CDH7: variants seen among roughly 807,000 people sequenced by gnomAD.
CDH7 encodes cadherin 7.
CDH7 carries 25 observed loss-of-function variants against 71.8 expected under a neutral mutation model. That is an observed-to-expected ratio of 0.35 (90% confidence interval 0.25 to 0.49). The LOEUF (loss-of-function observed/expected upper bound fraction) is 0.49, where lower values mean the gene tolerates loss of function less well. Ranked by LOEUF, CDH7 falls within the 20% of genes least tolerant of loss-of-function variation. The probability of loss-of-function intolerance (pLI) is 0.99; values close to 1 mark genes in which losing one functional copy is unlikely to be tolerated. For missense variants in CDH7, 862 were observed against 974.6 expected (o/e 0.88, Z 1.54); for synonymous variants, 381 against 363.8 (o/e 1.05, Z -0.54).
chr18:65,859,687 T>G (rs1913490079), intron 9 of CDH7, 21 bp from the exon 10 acceptor site: 1 of 1,459,304 alleles, frequency 6.9e-7, no homozygotes, highest in Non-Finnish European at 9.6e-7. Flanking sequence ...TGCTTTCATC[T>G]TTTACTTTCT....
chr18:65,835,942 G>T (rs979580267), intron 6 of CDH7, among the ~76,000 whole-genome samples: 3 of 152,136 alleles, frequency 2.0e-5, no homozygotes, highest in Non-Finnish European at 4.4e-5. Flanking sequence ...ATAATTGGGT[G>T]CAGTATAATC....
intron 11 of CDH7, among the ~76,000 whole-genome samples, chr18:65,864,478 A>G (rs982372929): frequency 1.5e-4 from 22 of 151,022 alleles, no homozygotes; most frequent in African/African-American, 5.4e-4. Flanking sequence ...TTCTTCTTCC[A>G]ATGTGGTGCA....
At chr18:65,872,543 T>A (rs1368317508) in intron 11 of CDH7, among the ~76,000 whole-genome samples, 1 of 152,104 alleles carries the variant, frequency 6.6e-6, no homozygotes, top group Non-Finnish European at 1.5e-5. Flanking sequence ...GCATGTTTCT[T>A]CATCATGGTT....
At chr18:65,764,220 C>T (rs1288188793) in intron 2 of CDH7, among the ~76,000 whole-genome samples, 1 of 151,854 alleles carries the variant, frequency 6.6e-6, no homozygotes. Flanking sequence ...TGAGCATCTA[C>T]ATCAATCAAG....
At chr18:65,819,761 C>G (rs1412196907) in intron 4 of CDH7, among the ~76,000 whole-genome samples, 3 of 151,592 alleles carry the variant, frequency 2.0e-5, no homozygotes, top group Non-Finnish European at 4.4e-5. Flanking sequence ...GTAGTGCAGT[C>G]AAAGTGATAT....
In CDH7 at chr18:65,888,918, C is replaced by T. The variant is rs1914441375; in HGVS notation, c.*8024C>T. 6.6e-6 allele frequency: 1 copy of T among 152,164 alleles called. No individual in the cohort carries two copies. Among genetic ancestry groups the T allele is most frequent in the African/African-American group, 2.4e-5 (1 of 41,458 alleles). 9.4% of individuals were successfully genotyped at this position (152,164 alleles called of 1,614,324 possible). A position where few individuals can be genotyped will look rare whatever the true frequency, so the allele number is the denominator to read the frequency against. ...GATAGCTGAAACTCTAATAATTGGA[C>T]TTTCCAATCTTAATTATGCTTTAGT... On this transcript the variant is annotated 3_prime_UTR_variant, in exon 12 of 12. Transcript: ENST00000397968.
At chr18:65,761,535 C>CA (rs36079642) in intron 1 of CDH7, among the ~76,000 whole-genome samples, 49,408 of 123,908 alleles carry the variant, frequency 0.4, 8,936 homozygotes, top group Middle Eastern at 0.5. Flanking sequence ...TCCTCTTCCT[C>CA]AAAAAAAAAA....
At chr18:65,864,029 TA>T (rs1450124374) in intron 11 of CDH7, 1 of 152,222 alleles carries the variant, frequency 6.6e-6, no homozygotes, top group Non-Finnish European at 1.5e-5. Context: ...TAATACATTA[TA>T]AATGCTGTCG....
intron 4 of CDH7, among the ~76,000 whole-genome samples, chr18:65,816,018 C>A (rs1425078530): frequency 6.6e-6 from 1 of 152,106 alleles, no homozygotes. Context: ...ATGATTTTGG[C>A]TTTGCTGCAA....
intron 5 of CDH7, among the ~76,000 whole-genome samples, chr18:65,823,013 A>G (rs1178960990): frequency 6.6e-6 from 1 of 151,866 alleles, no homozygotes; most frequent in Non-Finnish European, 1.5e-5. Flanking sequence ...TGTACAGACC[A>G]TAATGTCTGT....
At chr18:65,858,314 A>C (rs1306190978) in intron 8 of CDH7, among the ~76,000 whole-genome samples, 3 of 152,054 alleles carry the variant, frequency 2.0e-5, no homozygotes, top group African/African-American at 7.2e-5. Flanking sequence ...GAATATTCTG[A>C]TACTGAACTA....
At chr18:65,786,425 T>A (rs1374677443) in intron 2 of CDH7, among the ~76,000 whole-genome samples, 1 of 152,194 alleles carries the variant, frequency 6.6e-6, no homozygotes, top group Non-Finnish European at 1.5e-5. Context: ...CCCCAGTTCT[T>A]GGACTTTAGA....
At chr18:65,822,271 A>C (rs1371688496) in intron 5 of CDH7, 23 bp downstream of exon 5, 2 of 1,588,032 alleles carry the variant, frequency 1.3e-6, no homozygotes, top group East Asian at 2.3e-5. Context: ...CTTAAGTGAC[A>C]CAAGTGCAAT....
At chr18:65,799,535 G>A (rs1256186593) in intron 2 of CDH7, among the ~76,000 whole-genome samples, 1 of 152,106 alleles carries the variant, frequency 6.6e-6, no homozygotes, top group Non-Finnish European at 1.5e-5. Context: ...AATTAGCCGG[G>A]CATGGTGGCG....
intron 2 of CDH7, among the ~76,000 whole-genome samples, chr18:65,807,562 G>C (rs991036048): frequency 3.9e-5 from 6 of 152,210 alleles, no homozygotes; most frequent in African/African-American, 1.4e-4. Context: ...ACTGTCAGCA[G>C]TAACGTGTAG....
At chr18:65,812,687 ATATG>A (rs1911585794) in intron 3 of CDH7, among the ~76,000 whole-genome samples, 1 of 152,150 alleles carries the variant, frequency 6.6e-6, no homozygotes, top group Non-Finnish European at 1.5e-5. Context: ...TTATTTGTGA[ATATG>A]TGTGTGTATC....
intron 11 of CDH7, chr18:65,864,114 C>G (rs1325981171): frequency 6.6e-6 from 1 of 152,094 alleles, no homozygotes; most frequent in Non-Finnish European, 1.5e-5. Flanking sequence ...CTATATTTTG[C>G]ATAGAACTTT....
At chr18:65,852,395 T>A (rs1475213259) in intron 7 of CDH7, among the ~76,000 whole-genome samples, 1 of 152,144 alleles carries the variant, frequency 6.6e-6, no homozygotes, top group Non-Finnish European at 1.5e-5. Context: ...AATGACATAC[T>A]AATGAGAAGT....
At chr18:65,853,918 T>TATATATATATATATATATCC (rs1913240667) in intron 7 of CDH7, among the ~76,000 whole-genome samples, 5 of 66,310 alleles carry the variant, frequency 7.5e-5, no homozygotes, top group African/African-American at 4.3e-4. Context: ...TATATATATA[T>TATATATATATATATATATCC]ATATATATAT....
Sources: gnomAD v4.1 joint callset for allele counts (sites outside exome capture counted in the v4.1 genomes callset) on GRCh38, gnomAD v4.1.1 for gene constraint, MANE v1.5 for transcripts, NCBI Gene and HGNC (gene_info 2026-07-23, HGNC 2026-07-21) for gene names.